The following OPCML variants were observed in gnomAD, a reference collection of about 807,000 sequenced individuals.
The protein encoded by OPCML is opioid binding protein/cell adhesion molecule like.
Under a neutral mutation model 37.8 loss-of-function variants are expected in OPCML, and 13 were observed. That is an observed-to-expected ratio of 0.34 (90% confidence interval 0.22 to 0.55). The LOEUF (loss-of-function observed/expected upper bound fraction) is 0.55, where lower values mean the gene tolerates loss of function less well. Ranked by LOEUF, OPCML falls within the 20% of genes least tolerant of loss-of-function variation. The pLI is 0.91. For missense variants in OPCML, 341 were observed against 435.6 expected (o/e 0.78, Z 1.93); for synonymous variants, 176 against 168.8 (o/e 1.04, Z -0.33).
chr11:132,919,105 T>C (rs1461873490), intron 2 of OPCML, among the ~76,000 whole-genome samples: 1 of 152,186 alleles, frequency 6.6e-6, no homozygotes, highest in East Asian at 1.9e-4. Context: ...AGTAGATAGA[T>C]AATGAGTTGG....
At chr11:133,100,524 G>A (rs1318158105) in intron 1 of OPCML, among the ~76,000 whole-genome samples, 1 of 152,104 alleles carries the variant, frequency 6.6e-6, no homozygotes, top group Non-Finnish European at 1.5e-5. Context: ...TATTGAAGGA[G>A]AAAAACAAAG....
intron 2 of OPCML, among the ~76,000 whole-genome samples, chr11:132,691,152 T>C (rs1332083842): frequency 6.6e-6 from 1 of 152,204 alleles, no homozygotes; most frequent in Non-Finnish European, 1.5e-5. Context: ...CCACAGATAA[T>C]TTCTCCTTTG....
At chr11:133,197,555 A>T (rs1310210978) in intron 1 of OPCML, among the ~76,000 whole-genome samples, 1 of 152,222 alleles carries the variant, frequency 6.6e-6, no homozygotes, top group African/African-American at 2.4e-5. Context: ...TGCCTAGATA[A>T]TAAGCCACTT....
At chr11:133,213,791 C>T (rs1939471614) in intron 1 of OPCML, among the ~76,000 whole-genome samples, 1 of 152,178 alleles carries the variant, frequency 6.6e-6, no homozygotes, top group African/African-American at 2.4e-5. Context: ...CCAAGTCTTA[C>T]TATCATGTTT....
chr11:132,751,350 C>G (rs1023961107), intron 2 of OPCML, among the ~76,000 whole-genome samples: 1 of 152,146 alleles, frequency 6.6e-6, no homozygotes, highest in African/African-American at 2.4e-5. Flanking sequence ...GCCACCAGCC[C>G]CAGATCCATC....
At chr11:132,545,866 G>T (rs950191261) in intron 3 of OPCML, among the ~76,000 whole-genome samples, 2 of 152,140 alleles carry the variant, frequency 1.3e-5, no homozygotes, top group African/African-American at 4.8e-5. Context: ...TCAACATTTT[G>T]CTATTACAAT....
chr11:133,393,032 TGTTTA>T (rs1479015986), intron 1 of OPCML, among the ~76,000 whole-genome samples: 1 of 120,382 alleles, frequency 8.3e-6, no homozygotes, highest in Non-Finnish European at 1.7e-5. Context: ...TCTCACTGTC[TGTTTA>T]GTGACTTTTT....
At chr11:132,568,508 TAAG>T (rs1456840967) in intron 3 of OPCML, among the ~76,000 whole-genome samples, 1 of 152,094 alleles carries the variant, frequency 6.6e-6, no homozygotes, top group Non-Finnish European at 1.5e-5. Flanking sequence ...GATGTCCTTA[TAAG>T]AAGAGAGAAA....
At chr11:132,629,873 TA>T (rs1282011224) in intron 3 of OPCML, among the ~76,000 whole-genome samples, 1 of 152,170 alleles carries the variant, frequency 6.6e-6, no homozygotes, top group African/African-American at 2.4e-5. Context: ...ACTAATAAGT[TA>T]AAAAGAAACA....
intron 1 of OPCML, among the ~76,000 whole-genome samples, chr11:132,950,965 C>T (rs891919589): frequency 6.6e-6 from 1 of 152,144 alleles, no homozygotes; most frequent in Non-Finnish European, 1.5e-5. Flanking sequence ...TTTAAGACCT[C>T]GGCCTGTTTT....
chr11:132,837,747 G>T (rs2136294434), intron 2 of OPCML, among the ~76,000 whole-genome samples: 1 of 152,292 alleles, frequency 6.6e-6, no homozygotes, highest in South Asian at 2.1e-4. Context: ...AGACAAGTAG[G>T]CGTCCATGAG....
chr11:133,200,685 T>C (rs1183886741), intron 1 of OPCML, among the ~76,000 whole-genome samples: 1 of 152,212 alleles, frequency 6.6e-6, no homozygotes, highest in African/African-American at 2.4e-5. Context: ...AACTTATTTT[T>C]TCCACGTAAC....
At chr11:133,152,279 A>G (rs1307998902) in intron 1 of OPCML, among the ~76,000 whole-genome samples, 1 of 152,204 alleles carries the variant, frequency 6.6e-6, no homozygotes, top group Non-Finnish European at 1.5e-5. Flanking sequence ...AGAAAGCGGA[A>G]AAGAGTGTTT....
chr11:132,906,406 A>G (rs1373811160), intron 2 of OPCML, among the ~76,000 whole-genome samples: 1 of 152,168 alleles, frequency 6.6e-6, no homozygotes, highest in Admixed American at 6.5e-5. Flanking sequence ...TTGCTTCCCT[A>G]AGAACCGCCC....
intron 1 of OPCML, among the ~76,000 whole-genome samples, chr11:133,289,468 G>A (rs539286824): frequency 2.0e-5 from 3 of 150,702 alleles, no homozygotes; most frequent in South Asian, 2.1e-4. Flanking sequence ...AGTGGCGGGC[G>A]CCTGTAGTCC....
At chr11:133,163,785 G>A (rs992036315) in intron 1 of OPCML, among the ~76,000 whole-genome samples, 1 of 152,148 alleles carries the variant, frequency 6.6e-6, no homozygotes, top group African/African-American at 2.4e-5. Context: ...AATTATACTG[G>A]ACAGAGAAAT....
intron 3 of OPCML, among the ~76,000 whole-genome samples, chr11:132,621,052 G>A (rs1332484346): frequency 6.6e-6 from 1 of 152,252 alleles, no homozygotes; most frequent in Non-Finnish European, 1.5e-5. Context: ...TAGGACACGT[G>A]TGACACACAA....
chr11:133,487,549 C>T (rs540052918), intron 1 of OPCML, among the ~76,000 whole-genome samples: 1 of 152,268 alleles, frequency 6.6e-6, no homozygotes, highest in South Asian at 2.1e-4. Context: ...TCATAGGGCA[C>T]ACATTATCTG....
chr11:132,517,079 T>C (rs906013855), intron 4 of OPCML, among the ~76,000 whole-genome samples: 4 of 152,154 alleles, frequency 2.6e-5, no homozygotes, highest in Admixed American at 2.0e-4. Context: ...TGTGGTACCA[T>C]GTACGTGTCT....
Sources: gnomAD v4.1 joint callset for allele counts (sites outside exome capture counted in the v4.1 genomes callset) on GRCh38, gnomAD v4.1.1 for gene constraint, MANE v1.5 for transcripts, NCBI Gene and HGNC (gene_info 2026-07-23, HGNC 2026-07-21) for gene names.